Variants in PUS10 observed in about 807,000 individuals in gnomAD.
The protein encoded by PUS10 is pseudouridine synthase 10, also known as tRNA pseudouridine synthase Pus10.
Under a neutral mutation model 75.0 loss-of-function variants are expected in PUS10, and 59 were observed. The observed-to-expected ratio is 0.79, with a 90% CI of 0.64 to 0.98. The LOEUF is 0.98. Ranked by LOEUF, PUS10 falls within the 50% of genes least tolerant of loss-of-function variation. PUS10 has a pLI of 0.00. For synonymous variants in PUS10, 219 were observed against 211.6 expected (o/e 1.03, Z -0.30); for missense variants, 650 against 614.4 (o/e 1.06, Z -0.61).
chr2:60,982,967 T>G (rs981122963), intron 4 of PUS10, among the ~76,000 whole-genome samples: 1 of 152,124 alleles, frequency 6.6e-6, no homozygotes, highest in Non-Finnish European at 1.5e-5. Context: ...TTGTATTCCC[T>G]TCAATTCAGC....
At chr2:61,004,556 G>C (rs1679074714) in intron 4 of PUS10, among the ~76,000 whole-genome samples, 1 of 151,142 alleles carries the variant, frequency 6.6e-6, no homozygotes, top group Non-Finnish European at 1.5e-5. Context: ...ATGAACCTGG[G>C]AGGCGGAGCT....
Position 60,941,522 on chromosome 2 carries a change from T to C in PUS10, c.*873A>G, listed in dbSNP as rs1241121787. The C allele has an allele frequency of 3.3e-5, 5 of 152,258 alleles. No homozygotes were observed. Among genetic ancestry groups the C allele is most frequent in the Non-Finnish European group, 2.9e-5 (2 of 67,982 alleles). 9.4% of individuals were successfully genotyped at this position (152,258 alleles called of 1,614,324 possible). On this transcript the variant is annotated 3_prime_UTR_variant, in exon 18 of 18. Coordinates refer to ENST00000316752, the MANE Select transcript of PUS10 (RefSeq NM_144709.4). Reference sequence around the variant, plus strand: ...TTCCATATTTATAAAATGGAGACAATATCCTATCTACTTTAATAAGGTATT... The same window carrying C: ...TTCCATATTTATAAAATGGAGACAACATCCTATCTACTTTAATAAGGTATT...
chr2:60,997,019 T>C (rs1299026061), intron 4 of PUS10, among the ~76,000 whole-genome samples: 3 of 152,238 alleles, frequency 2.0e-5, no homozygotes, highest in Non-Finnish European at 2.9e-5. Context: ...AGTCCTGTTC[T>C]AGCTGATCAC....
intron 1 of PUS10, chr2:61,017,315 A>G (rs62150971): frequency 0.054 from 8,536 of 157,090 alleles, 352 homozygotes; most frequent in Non-Finnish European, 0.083. Flanking sequence ...CGCTAGGACT[A>G]AGTGAGCTTC....
chr2:60,986,521 T>C (rs1370210142), intron 4 of PUS10, among the ~76,000 whole-genome samples: 1 of 152,180 alleles, frequency 6.6e-6, no homozygotes, highest in African/African-American at 2.4e-5. Flanking sequence ...TAAAGAAACA[T>C]CTTCCTAAAC....
At chr2:61,014,901 G>A (rs983874482) in intron 1 of PUS10, among the ~76,000 whole-genome samples, 1 of 152,144 alleles carries the variant, frequency 6.6e-6, no homozygotes, top group African/African-American at 2.4e-5. Flanking sequence ...CACTTACCAA[G>A]ATTCTTGCAC....
chr2:60,945,066 C>T lies in PUS10; in HGVS notation c.1494G>A (p.Lys498=). 1 of 1,614,116 alleles carries T rather than the reference C, an allele frequency of 6.2e-7. No individual in the cohort carries two copies. The part of the protein sequence containing the change: ...EFVHGDFGRT[K]PNIGSLMNVT... ...CATTCATCAGGGACCCAATGTTTGG[C>T]TTGGTTCTCCCGAAGTCTCCATGTA... The change falls in exon 17 of 18, where the codon AAG becomes AAA. Residue 498 remains lysine, a synonymous_variant. Coordinates refer to ENST00000316752, the MANE Select transcript of PUS10 (RefSeq NM_144709.4).
intron 4 of PUS10, among the ~76,000 whole-genome samples, chr2:61,002,622 A>T (rs1003349207): frequency 6.6e-6 from 1 of 152,176 alleles, no homozygotes; most frequent in African/African-American, 2.4e-5. Flanking sequence ...CAGGATCTCA[A>T]ATCTCAGTGC....
At chr2:61,011,991 C>G in intron 1 of PUS10, 86 bp from the exon 2 acceptor site, 1 of 1,063,190 alleles carries the variant, frequency 9.4e-7, no homozygotes, top group South Asian at 1.8e-5. Context: ...TAAAAACTAG[C>G]TTTCATTTGA....
At chr2:60,975,489 C>A (rs1210948889) in intron 4 of PUS10, among the ~76,000 whole-genome samples, 2 of 151,940 alleles carry the variant, frequency 1.3e-5, no homozygotes, top group African/African-American at 2.4e-5. Context: ...AGTCAGAAAA[C>A]CTAACTTTAG....
intron 2 of PUS10, chr2:61,010,808 G>A: frequency 1.9e-6 from 3 of 1,550,424 alleles, no homozygotes; most frequent in South Asian, 1.2e-5. Flanking sequence ...CAGTCAGACT[G>A]TTCAAATCCT....
At chr2:60,952,875 C>T in intron 15 of PUS10, 122 bp downstream of exon 15, 1 of 604,408 alleles carries the variant, frequency 1.7e-6, no homozygotes, top group African/African-American at 1.9e-5. Context: ...AGGCTTGGAA[C>T]CCAGGTCTTG....
At chr2:60,946,531 T>C (rs1424689686) in intron 16 of PUS10, among the ~76,000 whole-genome samples, 1 of 152,172 alleles carries the variant, frequency 6.6e-6, no homozygotes, top group Non-Finnish European at 1.5e-5. Context: ...CTTTTAAAAA[T>C]ATATACATGA....
At chr2:60,965,177 A>C in intron 7 of PUS10, 74 bp from the exon 8 acceptor site, 1 of 1,426,940 alleles carries the variant, frequency 7.0e-7, no homozygotes, top group Non-Finnish European at 9.8e-7. Context: ...AATATATTTC[A>C]TACAAAATGG....
At chr2:60,959,333 CATTT>C (rs1267671164) in intron 11 of PUS10, among the ~76,000 whole-genome samples, 2 of 152,198 alleles carry the variant, frequency 1.3e-5, no homozygotes, top group African/African-American at 4.8e-5. Context: ...TAGGTGCATT[CATTT>C]AAAGTAGTTT....
intron 4 of PUS10, among the ~76,000 whole-genome samples, chr2:61,002,020 T>G (rs1249611404): frequency 2.0e-5 from 3 of 152,214 alleles, no homozygotes; most frequent in African/African-American, 7.2e-5. Context: ...AATACACATT[T>G]AAAAGGCTAT....
Position 60,962,806 on chromosome 2 carries a change from G to T in PUS10, c.788+20C>A. ...TTCTAAAATTTCACGATGCTTCTTT[G>T]TTTCTAAACTTCTACTTACTTAAGG... On this transcript the variant is annotated intron_variant, in intron 9 of 17. Coordinates refer to ENST00000316752, the MANE Select transcript of PUS10 (RefSeq NM_144709.4). 1 of 1,576,392 alleles carries T rather than the reference G, an allele frequency of 6.3e-7. No individual in the cohort carries two copies. The highest frequency in any genetic ancestry group is 8.6e-7 in the Non-Finnish European group (1 of 1,164,286).
At chr2:60,949,516 A>G (rs1435811276) in intron 15 of PUS10, among the ~76,000 whole-genome samples, 2 of 151,580 alleles carry the variant, frequency 1.3e-5, no homozygotes, top group African/African-American at 4.8e-5. Context: ...CGCTGCTCCC[A>G]TACTGCTGAG....
At chr2:60,983,591 C>T (rs1455638895) in intron 4 of PUS10, among the ~76,000 whole-genome samples, 1 of 151,658 alleles carries the variant, frequency 6.6e-6, no homozygotes, top group Non-Finnish European at 1.5e-5. Context: ...GCAGGAGAAT[C>T]GCTTGAACCA....
Sources: allele counts gnomAD v4.1 joint callset (sites outside exome capture counted in the v4.1 genomes callset), GRCh38; gene constraint gnomAD v4.1.1; transcripts MANE v1.5; gene names NCBI Gene and HGNC (gene_info 2026-07-23, HGNC 2026-07-21).